Variants in KDM1B observed in about 807,000 individuals in gnomAD.
KDM1B encodes the protein lysine demethylase 1B.
Under a neutral mutation model 107.4 loss-of-function variants are expected in KDM1B, and 63 were observed. The ratio of observed to expected loss-of-function variants is 0.59; its 90% CI spans 0.48 to 0.72. The LOEUF (loss-of-function observed/expected upper bound fraction) is 0.72, where lower values mean the gene tolerates loss of function less well. Among genes scored for constraint, KDM1B ranks in the 30% least tolerant of loss-of-function variants. The pLI is 0.00. For missense variants in KDM1B, 749 were observed against 1,020.8 expected (o/e 0.73, Z 3.63); for synonymous variants, 363 against 363.9 (o/e 1.00, Z 0.03).
chr6:18,176,766 T>A (rs143690274), intron 7 of KDM1B, among the ~76,000 whole-genome samples: 1 of 152,340 alleles, frequency 6.6e-6, no homozygotes, highest in African/African-American at 2.4e-5. Flanking sequence ...TTTATTGATT[T>A]GCATATGTTA....
chr6:18,193,044 A>G (rs1178517446), intron 10 of KDM1B, among the ~76,000 whole-genome samples: 1 of 151,626 alleles, frequency 6.6e-6, no homozygotes, highest in Non-Finnish European at 1.5e-5. Context: ...AATACAAATA[A>G]TTAGCTGGAG....
chr6:18,214,321 G>A lies in KDM1B; in HGVS notation c.2109+540G>A, dbSNP rs1394227914. Among the ~76,000 whole-genome samples, 1 of 152,158 alleles carries A rather than the reference G, an allele frequency of 6.6e-6. No individual in the cohort carries two copies. Among genetic ancestry groups the A allele is most frequent in the African/African-American group, 2.4e-5 (1 of 41,442 alleles). ...AGTTTCAAGAAACTTTGTCTTAAAA[G>A]GTTTCACATAGGAGCCGAGGGCAGA... On this transcript the variant is annotated intron_variant, in intron 19 of 21. Coordinates refer to ENST00000650836, the MANE Select transcript of KDM1B (RefSeq NM_001364614.2). The surrounding 1 kb of genome is among the most constrained non-coding windows in gnomAD (Gnocchi z 4.4).
In KDM1B at chr6:18,159,625, A is replaced by G. The variant is rs540546591; in HGVS notation, c.-13-258A>G. Among the ~76,000 whole-genome samples the G allele has an allele frequency of 4.6e-5, 7 of 152,308 alleles. No individual in the cohort carries two copies. The highest frequency in any genetic ancestry group is 4.6e-4 in the Admixed American group (7 of 15,298). On this transcript the variant is annotated intron_variant, in intron 2 of 21. Coordinates refer to ENST00000650836, the MANE Select transcript of KDM1B (RefSeq NM_001364614.2). This position sits in a 1 kb window ranked among gnomAD's most constrained non-coding sequence, Gnocchi z 4.5. ...TTAAGAACTTGAAAATGGTGGCTTG[A>G]GCCAGGTGGTGTGGTGACGTGCACC...
chr6:18,162,995 T>G lies in KDM1B; in HGVS notation c.305+71T>G. The G allele has an allele frequency of 1.1e-6, 1 of 892,768 alleles. No homozygotes were observed. The allele number at this position is 892,768 out of a possible 1,614,324, so 55.3% of individuals were successfully genotyped here. On this transcript the variant is annotated intron_variant, in intron 5 of 21. Transcript: ENST00000650836. This position sits in a 1 kb window ranked among gnomAD's most constrained non-coding sequence, Gnocchi z 4.1. Reference sequence around the variant, plus strand: ...GGCAGGGGCAGTGCGTGTGGTCAGCTGATTAAAGCTTAGTCTCGAGGCTTA... The same window carrying G: ...GGCAGGGGCAGTGCGTGTGGTCAGCGGATTAAAGCTTAGTCTCGAGGCTTA...
At chr6:18,187,395 A>C (rs1388977205) in intron 8 of KDM1B, among the ~76,000 whole-genome samples, 2 of 152,066 alleles carry the variant, frequency 1.3e-5, no homozygotes, top group Non-Finnish European at 2.9e-5. Context: ...TTGAGGTCCT[A>C]AGTTAAAGGC....
At position 18,213,638 on chromosome 6, in the gene KDM1B, C is replaced by G. The variant is rs761263511; in HGVS notation, c.1984-18C>G. 31 of 1,613,818 alleles carry G rather than the reference C, an allele frequency of 1.9e-5. No homozygotes were observed. Among genetic ancestry groups the G allele is most frequent in the Non-Finnish European group, 2.6e-5 (31 of 1,179,890 alleles). ...TGACGACAGACACCTAACCACCTTT[C>G]TTCTGCTCACTTTGCAGATTGCCTT... On this transcript the variant is annotated intron_variant, in intron 18 of 21. Transcript: ENST00000650836. The surrounding 1 kb of genome is among the most constrained non-coding windows in gnomAD (Gnocchi z 5.9).
intron 2 of KDM1B, among the ~76,000 whole-genome samples, chr6:18,157,006 T>C (rs1409129476): frequency 6.6e-6 from 1 of 152,208 alleles, no homozygotes; most frequent in East Asian, 1.9e-4. Context: ...TATCCACTTA[T>C]ATATTTACCA....
At position 18,200,559 on chromosome 6, in the gene KDM1B, G is replaced by A. The variant is rs779334143; in HGVS notation, c.1342G>A (p.Ala448Thr). ...CAATGGGTGTATTAACAACCCAGTA[G>A]CATTAATGTGTGAACAAGTGAGTTT... ...IVNGCINNPV[A>T]LMCEQLGISM... The change falls in exon 13 of 22, where the codon GCA (alanine) becomes ACA (threonine). Residue 448 changes from alanine to threonine, a missense_variant. Transcript: ENST00000650836. The surrounding 1 kb of genome is among the most constrained non-coding windows in gnomAD (Gnocchi z 4.3). 4 of 1,612,086 alleles carry A rather than the reference G, an allele frequency of 2.5e-6. No individual in the cohort carries two copies. Among genetic ancestry groups the A allele is most frequent in the Non-Finnish European group, 2.5e-6 (3 of 1,179,382 alleles).
rs973664893 is a variant in KDM1B at position 18,177,433 on chromosome 6, A to AT, written c.534+5963dup. On this transcript the variant is annotated intron_variant, in intron 7 of 21. Transcript: ENST00000650836. Reference sequence around the variant, plus strand: ...GCTTTTTGTTTCATTTAACTTTTGTATTTTTTTTTGTTTCAATTTCATTTA... The same window carrying AT: ...GCTTTTTGTTTCATTTAACTTTTGTATTTTTTTTTTGTTTCAATTTCATTTA... 1.5e-4 allele frequency among the ~76,000 whole-genome samples: 21 copies of AT among 137,060 alleles called. No individual in the cohort carries two copies. In the East Asian group the frequency reaches 2.2e-3, roughly 14 times the overall value. The allele number at this position is 137,060 out of a possible 152,430, so 89.9% of individuals were successfully genotyped here. A position where few individuals can be genotyped will look rare whatever the true frequency, so the allele number is the denominator to read the frequency against.
At position 18,222,032 on chromosome 6, in the gene KDM1B, G is replaced by C. The variant is rs368565344; in HGVS notation, c.*40G>C. 2.2e-4 allele frequency: 350 copies of C among 1,570,918 alleles called. No individual in the cohort carries two copies. The highest frequency in any genetic ancestry group is 3.0e-4 in the South Asian group (27 of 90,230). On this transcript the variant is annotated 3_prime_UTR_variant, in exon 22 of 22. Coordinates refer to ENST00000650836, the MANE Select transcript of KDM1B (RefSeq NM_001364614.2). ...CAGCTTTCTTCTGTACCCCAGATGGGGAAATTTGAATCACATGTTAAACCT... is the reference window on the plus strand; with the variant it reads ...CAGCTTTCTTCTGTACCCCAGATGGCGAAATTTGAATCACATGTTAAACCT...
At chr6:18,210,131 A>G (rs1179680536) in intron 17 of KDM1B, among the ~76,000 whole-genome samples, 2 of 152,270 alleles carry the variant, frequency 1.3e-5, no homozygotes, top group East Asian at 3.9e-4. Context: ...TATTGTAGCT[A>G]GCACGCACCA....
At chr6:18,182,854 T>C (rs1041331477) in intron 7 of KDM1B, among the ~76,000 whole-genome samples, 2 of 152,200 alleles carry the variant, frequency 1.3e-5, no homozygotes, top group African/African-American at 4.8e-5. Context: ...AATGGCTGTC[T>C]AATAAGTAGT....
intron 6 of KDM1B, among the ~76,000 whole-genome samples, chr6:18,168,045 C>T (rs1785430600): frequency 6.6e-6 from 1 of 152,182 alleles, no homozygotes; most frequent in African/African-American, 2.4e-5. Context: ...CAGGTGTGAG[C>T]CACTGTACCT....
Position 18,209,806 on chromosome 6 carries a change from G to T in KDM1B, c.1866+1600G>T, listed in dbSNP as rs1038186205. Among the ~76,000 whole-genome samples, 3 of 152,154 alleles carry T rather than the reference G, an allele frequency of 2.0e-5. No homozygotes were observed. The highest frequency in any genetic ancestry group is 7.2e-5 in the African/African-American group (3 of 41,436). Reference sequence around the variant, plus strand: ...TTTTAAAGCTTCTCAAGTGATTCCAGTGTGCAGCCGTGGTTGAGAACCTTG... The same window carrying T: ...TTTTAAAGCTTCTCAAGTGATTCCATTGTGCAGCCGTGGTTGAGAACCTTG... On this transcript the variant is annotated intron_variant, in intron 17 of 21. Coordinates refer to ENST00000650836, the MANE Select transcript of KDM1B (RefSeq NM_001364614.2). This position sits in a 1 kb window ranked among gnomAD's most constrained non-coding sequence, Gnocchi z 4.3.
chr6:18,160,615 G>A (rs1286413003), intron 3 of KDM1B, among the ~76,000 whole-genome samples: 1 of 151,934 alleles, frequency 6.6e-6, no homozygotes, highest in Non-Finnish European at 1.5e-5. Context: ...GCGGGCGCCT[G>A]TAGTCTCAGC....
intron 7 of KDM1B, 94 bp from the exon 8 acceptor site, chr6:18,185,678 A>T: frequency 9.0e-7 from 1 of 1,108,692 alleles, no homozygotes; most frequent in Non-Finnish European, 1.4e-6. Flanking sequence ...TGCCAGCCTG[A>T]TAGGTGAAAA....
In KDM1B at chr6:18,214,252, C is replaced by T. The variant is rs760851352; in HGVS notation, c.2109+471C>T. ...CGGGGGTGGTCACTTTCTCTGCCGT[C>T]ATGTCACTGCCACACGAAAGAATCA... On this transcript the variant is annotated intron_variant, in intron 19 of 21. Transcript: ENST00000650836. The surrounding 1 kb of genome is among the most constrained non-coding windows in gnomAD (Gnocchi z 4.4). Among the ~76,000 whole-genome samples, 1 of 152,206 alleles carries T rather than the reference C, an allele frequency of 6.6e-6. No individual in the cohort carries two copies. Among genetic ancestry groups the T allele is most frequent in the Non-Finnish European group, 1.5e-5 (1 of 68,050 alleles).
In KDM1B at chr6:18,209,621, T is replaced by G. The variant is rs993506914; in HGVS notation, c.1866+1415T>G. ...GGCCTCGCTTTTTTGTTTGTTTTTT[T>G]CAGAGACAGGGTCTCAGTCTGTCGC... On this transcript the variant is annotated intron_variant, in intron 17 of 21. Transcript: ENST00000650836. This position sits in a 1 kb window ranked among gnomAD's most constrained non-coding sequence, Gnocchi z 4.3. Among the ~76,000 whole-genome samples, 2 of 152,190 alleles carry G rather than the reference T, an allele frequency of 1.3e-5. No individual in the cohort carries two copies. Among genetic ancestry groups the G allele is most frequent in the African/African-American group, 4.8e-5 (2 of 41,434 alleles).
rs1269438616 is a variant in KDM1B, at chr6:18,197,824, A to G, written c.1221+163A>G. Among the ~76,000 whole-genome samples the G allele has an allele frequency of 6.6e-6, 1 of 152,214 alleles. No individual in the cohort carries two copies. The highest frequency in any genetic ancestry group is 1.5e-5 in the Non-Finnish European group (1 of 68,030). Reference sequence around the variant, plus strand: ...AGTTATAAAACTTGAAATTGATTTCATAAGAAAAAGGTAAATAGAAATTCT... The same window carrying G: ...AGTTATAAAACTTGAAATTGATTTCGTAAGAAAAAGGTAAATAGAAATTCT... On this transcript the variant is annotated intron_variant, in intron 12 of 21. Transcript: ENST00000650836. The surrounding 1 kb of genome is among the most constrained non-coding windows in gnomAD (Gnocchi z 4.5).
Sources: gnomAD v4.1 joint callset for allele counts (sites outside exome capture counted in the v4.1 genomes callset) on GRCh38, gnomAD v4.1.1 for gene constraint, Gnocchi (gnomAD v3.1) non-coding constraint, MANE v1.5 for transcripts, NCBI Gene and HGNC (gene_info 2026-07-23, HGNC 2026-07-21) for gene names.